The following ARL10 variants were observed in gnomAD, a reference collection of about 807,000 sequenced individuals.
The protein encoded by ARL10 is ADP-ribosylation factor-like protein 10.
A neutral mutation model predicts 26.1 loss-of-function variants in ARL10; 23 were observed. The ratio of observed to expected loss-of-function variants is 0.88; its 90% confidence interval spans 0.63 to 1.25. The LOEUF is 1.25. ARL10 is among the 50% of genes most tolerant of loss of function. The pLI is 0.00. For missense variants in ARL10, 300 were observed against 323.6 expected, an observed-to-expected ratio of 0.93 and a Z score of 0.56; for synonymous variants, 138 against 149.1, an observed-to-expected ratio of 0.93 and a Z score of 0.54.
chr5:176,413,759 G>C, the ARL10 span, among the ~76,000 whole-genome samples: 1 of 152,200 alleles, frequency 6.6e-6, no homozygotes, highest in Admixed American at 6.5e-5. Context: ...GAGAAGGTCA[G>C]ATCAATTCTA....
At position 176,378,041 on chromosome 5, in the gene ARL10, G is replaced by C. The variant is rs1046913431; in HGVS notation, c.*6146G>C. Reference sequence around the variant, plus strand: ...CTTCCCAAAGTGCTGGGGTTATAGGGAAGAGCCACCGTGCCTGGCCAAGTG... The same window carrying C: ...CTTCCCAAAGTGCTGGGGTTATAGGCAAGAGCCACCGTGCCTGGCCAAGTG... On this transcript the variant is annotated 3_prime_UTR_variant, in exon 4 of 4. Transcript: ENST00000310389. 1 of 152,300 alleles carries C rather than the reference G, an allele frequency of 6.6e-6. No homozygotes were observed. The highest frequency in any genetic ancestry group is 2.4e-5 in the African/African-American group (1 of 41,462). 9.4% of individuals were successfully genotyped at this position (152,300 alleles called of 1,614,324 possible).
chr5:176,394,426 C>T (rs993050280), intron 1 of ARL10, among the ~76,000 whole-genome samples: 1 of 152,242 alleles, frequency 6.6e-6, no homozygotes, highest in Non-Finnish European at 1.5e-5. Flanking sequence ...AATCCCAGCA[C>T]TTTGGGAGGC....
At chr5:176,411,122 G>A in the ARL10 span, among the ~76,000 whole-genome samples, 3 of 152,188 alleles carry the variant, frequency 2.0e-5, no homozygotes, top group Non-Finnish European at 4.4e-5. Flanking sequence ...CCAGAGACTT[G>A]CATGCACCTG....
At chr5:176,401,693 A>G (rs1236134008) in intron 1 of ARL10, 1 of 456,038 alleles carries the variant, frequency 2.2e-6, no homozygotes, top group Non-Finnish European at 4.4e-6. Context: ...CTTGTGTTGC[A>G]CAGCATTTTC....
chr5:176,384,870 G>C (rs539801045), downstream of ARL10: 1 of 495,368 alleles, frequency 2.0e-6, no homozygotes, highest in Non-Finnish European at 3.6e-6. Context: ...TCCTACTTGG[G>C]CCCAGGGGTC....
chr5:176,397,863 G>C, intron 1 of ARL10: 7 of 1,493,796 alleles, frequency 4.7e-6, no homozygotes, highest in Non-Finnish European at 6.5e-6. Flanking sequence ...CATGCACTCC[G>C]AGGACTCCCC....
chr5:176,386,527 TTCATCCTTAAATTCA>T, downstream of ARL10: 1 of 417,346 alleles, frequency 2.4e-6, no homozygotes, highest in South Asian at 2.1e-5. Context: ...TAAAAATCAG[TTCATCCTTAAATTCA>T]TGAGAAGCCA....
chr5:176,386,917 G>A (rs1220263655), intron 1 of ARL10: 3 of 1,613,542 alleles, frequency 1.9e-6, no homozygotes, highest in Non-Finnish European at 2.5e-6. Flanking sequence ...CACCTGCAGA[G>A]AACAGAGCCC....
At chr5:176,393,528 C>A (rs1581419778), downstream of ARL10, among the ~76,000 whole-genome samples, 1 of 152,188 alleles carries the variant, frequency 6.6e-6, no homozygotes, top group East Asian at 1.9e-4. The surrounding 1 kb of genome is among the most constrained non-coding windows in gnomAD (Gnocchi z 4.4). Context: ...ACTTTCAAAG[C>A]CTTTCATGTG....
chr5:176,383,770 T>C (rs1401942649), downstream of ARL10, among the ~76,000 whole-genome samples: 4 of 152,196 alleles, frequency 2.6e-5, no homozygotes, highest in African/African-American at 9.6e-5. Flanking sequence ...GGAACTGCTG[T>C]GCGGGAAATG....
At chr5:176,394,214 G>C (rs777914849) in intron 1 of ARL10, among the ~76,000 whole-genome samples, 76 of 152,236 alleles carry the variant, frequency 5.0e-4, no homozygotes, top group Non-Finnish European at 9.3e-4. Context: ...TGTCCCTTCA[G>C]GGTCCAGAGG....
intron 2 of ARL10, among the ~76,000 whole-genome samples, 170 bp downstream of exon 2, chr5:176,366,751 A>G (rs1768324066): frequency 6.6e-6 from 1 of 152,142 alleles, no homozygotes. Flanking sequence ...GTGCTCTGAC[A>G]TTTAGGGCCC....
chr5:176,406,062 C>T (rs565768781), downstream of ARL10: 16 of 740,442 alleles, frequency 2.2e-5, no homozygotes, highest in Admixed American at 1.9e-4. Flanking sequence ...TCATTATTTC[C>T]GGGCTGCTCA....
downstream of ARL10, chr5:176,389,370 AC>A: frequency 6.2e-7 from 1 of 1,613,222 alleles, no homozygotes. Flanking sequence ...TACGGCCTCT[AC>A]TCCTTCCACC....
In ARL10 at chr5:176,380,391, C is replaced by T. The variant is rs530561968; in HGVS notation, c.*8496C>T. 1.1e-4 allele frequency: 17 copies of T among 151,178 alleles called. No homozygotes were observed. The East Asian group carries it at 1.2e-3, about 10-fold the overall frequency. 9.4% of individuals were successfully genotyped at this position (151,178 alleles called of 1,614,324 possible). A position where few individuals can be genotyped will look rare whatever the true frequency, so the allele number is the denominator to read the frequency against. On this transcript the variant is annotated 3_prime_UTR_variant, in exon 4 of 4. Coordinates refer to ENST00000310389, the MANE Select transcript of ARL10 (RefSeq NM_173664.6). ...ACAGTTTTATTTAAAGTTTCCTCAT[C>T]GTGGCCATTTTAATTCTAAGTTGTT... is the stretch of plus-strand genomic sequence containing the variant.
At chr5:176,367,059 G>A (rs974456651) in intron 2 of ARL10, among the ~76,000 whole-genome samples, 7 of 143,364 alleles carry the variant, frequency 4.9e-5, no homozygotes, top group African/African-American at 7.9e-5. Context: ...CCAGGCTGGA[G>A]TGCAATGGCG....
chr5:176,409,477 A>C, the ARL10 span, among the ~76,000 whole-genome samples: 2 of 145,084 alleles, frequency 1.4e-5, no homozygotes, highest in Admixed American at 1.4e-4. Context: ...GCAATGGCAC[A>C]ATCTCAGCTC....
chr5:176,399,346 C>T (rs1473386395), intron 1 of ARL10, among the ~76,000 whole-genome samples: 4 of 152,182 alleles, frequency 2.6e-5, no homozygotes, highest in Non-Finnish European at 5.9e-5. Flanking sequence ...AACTTGGACT[C>T]TGCAGCCAGG....
At chr5:176,395,615 G>A (rs559728809) in intron 1 of ARL10, among the ~76,000 whole-genome samples, 4 of 152,218 alleles carry the variant, frequency 2.6e-5, no homozygotes, top group South Asian at 2.1e-4. Flanking sequence ...ACTAACTGAC[G>A]TCGGCACGAG....
Sources: allele counts gnomAD v4.1 joint callset (sites outside exome capture counted in the v4.1 genomes callset), GRCh38; gene constraint gnomAD v4.1.1; non-coding constraint Gnocchi (gnomAD v3.1); transcripts MANE v1.5; gene names NCBI Gene and HGNC (gene_info 2026-07-23, HGNC 2026-07-21).